PRPF18: variants seen among roughly 807,000 people sequenced by gnomAD.
PRPF18 encodes the protein pre-mRNA processing factor 18.
A neutral mutation model predicts 46.5 loss-of-function variants in PRPF18; 38 were observed. The observed-to-expected ratio is 0.82, with a 90% CI of 0.63 to 1.07. The LOEUF (loss-of-function observed/expected upper bound fraction) is 1.07. PRPF18 is among the 50% of genes least tolerant of loss of function. The pLI, the probability that PRPF18 is intolerant of heterozygous loss-of-function variation, is 0.00. For missense variants in PRPF18, 263 were observed against 410.0 expected (o/e 0.64, Z 3.10); for synonymous variants, 152 against 146.7 (o/e 1.04, Z -0.26).
chr10:13,618,398 C>T (rs539849582), intron 9 of PRPF18, among the ~76,000 whole-genome samples: 7 of 151,960 alleles, frequency 4.6e-5, no homozygotes, highest in Admixed American at 1.3e-4. Flanking sequence ...GTGGCTGTGG[C>T]GGGAAGATTG....
intron 9 of PRPF18, among the ~76,000 whole-genome samples, chr10:13,616,920 C>T (rs546462352): frequency 6.6e-6 from 1 of 152,074 alleles, no homozygotes; most frequent in South Asian, 2.1e-4. Context: ...TACAATAAAT[C>T]CTGCTTTGTT....
Position 13,587,027 on chromosome 10 carries a change from CA to C in PRPF18, c.-59del, listed in dbSNP as rs1564446630. The C allele has an allele frequency of 6.4e-7, 1 of 1,565,796 alleles. No individual in the cohort carries two copies. The highest frequency in any genetic ancestry group is 1.4e-5 in the African/African-American group (1 of 73,770). On this transcript the variant is annotated 5_prime_UTR_variant, in exon 1 of 10. Transcript: ENST00000378572. ...CTCAGTGGGTTCGCGGCCGCCGGCC[CA>C]GTGAGGCTGGGTTCGAGGAGCTGGA...
intron 3 of PRPF18, among the ~76,000 whole-genome samples, chr10:13,602,852 C>T (rs2080133037): frequency 6.6e-6 from 1 of 152,158 alleles, no homozygotes; most frequent in Admixed American, 6.5e-5. Context: ...GAAGCCTAAG[C>T]CTCCCAAGTA....
At chr10:13,626,902 T>G (rs968573323) in intron 9 of PRPF18, among the ~76,000 whole-genome samples, 1 of 152,124 alleles carries the variant, frequency 6.6e-6, no homozygotes, top group Non-Finnish European at 1.5e-5. Context: ...ATGTCAAAGC[T>G]TGATGGTTCT....
At chr10:13,636,290 C>T in the PRPF18 span, among the ~76,000 whole-genome samples, 16 of 152,198 alleles carry the variant, frequency 1.1e-4, no homozygotes, top group Middle Eastern at 3.4e-3. Flanking sequence ...GGTGTGGTGG[C>T]GCGCACGTGT....
chr10:13,632,605 C>G (rs997011713), downstream of PRPF18: 8 of 152,136 alleles, frequency 5.3e-5, no homozygotes, highest in Non-Finnish European at 1.2e-4. Flanking sequence ...ACACCAGTAC[C>G]TCCTAAAATT....
chr10:13,616,692 AC>A, intron 9 of PRPF18, 139 bp downstream of exon 9: 1 of 1,076,218 alleles, frequency 9.3e-7, no homozygotes, highest in Non-Finnish European at 1.3e-6. Flanking sequence ...CTGGATAAGC[AC>A]TGACACTGAA....
chr10:13,607,082 C>T (rs538122056), intron 4 of PRPF18, among the ~76,000 whole-genome samples: 6 of 152,122 alleles, frequency 3.9e-5, no homozygotes, highest in Admixed American at 6.5e-5. Flanking sequence ...CTGTTAAAGT[C>T]TTTCTTTCCT....
At chr10:13,616,817 C>CTT (rs111304639) in intron 9 of PRPF18, among the ~76,000 whole-genome samples, 51 of 145,612 alleles carry the variant, frequency 3.5e-4, no homozygotes, top group African/African-American at 1.2e-3. Context: ...TTGCAGTTTG[C>CTT]TTTTTTTTTT....
intron 5 of PRPF18, 136 bp downstream of exon 5, chr10:13,610,321 A>T: frequency 1.0e-6 from 1 of 979,798 alleles, no homozygotes; most frequent in Non-Finnish European, 1.4e-6. Context: ...CCTCGCTTTT[A>T]TTTATTTACT....
At chr10:13,609,559 T>C (rs1440203252) in intron 4 of PRPF18, among the ~76,000 whole-genome samples, 1 of 152,220 alleles carries the variant, frequency 6.6e-6, no homozygotes, top group East Asian at 1.9e-4. Flanking sequence ...GCGAATTTGC[T>C]GGTTTGCTAG....
At chr10:13,597,171 T>C (rs187286381) in intron 1 of PRPF18, among the ~76,000 whole-genome samples, 22 of 152,346 alleles carry the variant, frequency 1.4e-4, no homozygotes, top group African/African-American at 4.3e-4. Context: ...TGAAAACATT[T>C]GGAAAATATT....
At chr10:13,646,096 G>A in the PRPF18 span, 2 of 152,656 alleles carry the variant, frequency 1.3e-5, no homozygotes, top group East Asian at 1.9e-4. Context: ...TGGCGACTGT[G>A]AGTCAGCAAC....
intron 6 of PRPF18, among the ~76,000 whole-genome samples, chr10:13,613,350 T>A (rs774012450): frequency 6.6e-6 from 1 of 152,238 alleles, no homozygotes; most frequent in Non-Finnish European, 1.5e-5. Context: ...TTAAACTTAA[T>A]CATGGTCTCT....
In PRPF18 at chr10:13,605,567, G is replaced by A. The variant is rs2080170948; in HGVS notation, c.250-64G>A. 15 of 1,397,066 alleles carry A rather than the reference G, an allele frequency of 1.1e-5. No homozygotes were observed. In the South Asian group the frequency reaches 1.7e-4, roughly 16 times the overall value. 86.5% of individuals were successfully genotyped at this position (1,397,066 alleles called of 1,614,324 possible). A position where few individuals can be genotyped will look rare whatever the true frequency, so the allele number is the denominator to read the frequency against. On this transcript the variant is annotated intron_variant, in intron 3 of 9. Coordinates refer to ENST00000378572, the MANE Select transcript of PRPF18 (RefSeq NM_003675.4). ...ACTGCACTCCAGCCTGGGCAACAGA[G>A]TGAGACTGTCTCAAAAAAAAAAAAA...
chr10:13,654,214 A>G, the PRPF18 span: 3 of 604,178 alleles, frequency 5.0e-6, no homozygotes, highest in South Asian at 4.0e-5. Flanking sequence ...GAACACAGAC[A>G]ATTCACCTCT....
chr10:13,650,534 C>A, the PRPF18 span, among the ~76,000 whole-genome samples: 1 of 152,330 alleles, frequency 6.6e-6, no homozygotes, highest in South Asian at 2.1e-4. Context: ...TCTCCATCAC[C>A]TTTAGCAGAT....
chr10:13,599,499 A>G (rs1437178556), intron 2 of PRPF18, among the ~76,000 whole-genome samples: 48 of 152,186 alleles, frequency 3.2e-4, no homozygotes, highest in Admixed American at 3.1e-3. Flanking sequence ...AGACTCCACA[A>G]AGGGGCTTGT....
chr10:13,593,276 C>T (rs1449563684), intron 1 of PRPF18, among the ~76,000 whole-genome samples: 1 of 152,046 alleles, frequency 6.6e-6, no homozygotes, highest in African/African-American at 2.4e-5. Flanking sequence ...TCTAAGCAAA[C>T]CAGTAAGTGA....
Sources: gnomAD v4.1 joint callset for allele counts (sites outside exome capture counted in the v4.1 genomes callset) on GRCh38, gnomAD v4.1.1 for gene constraint, MANE v1.5 for transcripts, NCBI Gene and HGNC (gene_info 2026-07-23, HGNC 2026-07-21) for gene names.